The following SPNS2 variants were observed in gnomAD, a reference collection of about 807,000 sequenced individuals.
SPNS2 encodes sphingosine-1-phosphate transporter SPNS2.
A neutral mutation model predicts 57.6 loss-of-function variants in SPNS2; 37 were observed. That is an observed-to-expected ratio of 0.64 (90% CI 0.49 to 0.85). The LOEUF (loss-of-function observed/expected upper bound fraction) is 0.85, where lower values mean the gene tolerates loss of function less well. Ranked by LOEUF, SPNS2 falls within the 40% of genes least tolerant of loss-of-function variation. The probability of loss-of-function intolerance (pLI) is 0.00; values close to 1 mark genes in which losing one functional copy is unlikely to be tolerated. For missense variants in SPNS2, 831 were observed against 779.1 expected (o/e 1.07, Z -0.79); for synonymous variants, 440 against 346.9 (o/e 1.27, Z -2.98).
chr17:4,532,435 G>A, intron 5 of SPNS2, 107 bp from the exon 6 acceptor site: 1 of 1,523,846 alleles, frequency 6.6e-7, no homozygotes, highest in Non-Finnish European at 9.0e-7. Flanking sequence ...CTGCTCAGAG[G>A]AGAAGCCTAT....
In SPNS2 at chr17:4,512,820, C is replaced by T. The variant is rs1485458235; in HGVS notation, c.371-427C>T. Among the ~76,000 whole-genome samples, 2 of 146,596 alleles carry T rather than the reference C, an allele frequency of 1.4e-5. No homozygotes were observed. The highest frequency in any genetic ancestry group is 4.8e-5 in the African/African-American group (2 of 41,312). On this transcript the variant is annotated intron_variant, in intron 1 of 12. Coordinates refer to ENST00000329078, the MANE Select transcript of SPNS2 (RefSeq NM_001124758.3). This position sits in a 1 kb window ranked among gnomAD's most constrained non-coding sequence, Gnocchi z 5.2. ...AACCAGAGTGAGCGGCTGCCCCTCC[C>T]AGGCCAGAGGGCTCCCCGCAGCTTT... is the stretch of plus-strand genomic sequence containing the variant.
intron 3 of SPNS2, among the ~76,000 whole-genome samples, chr17:4,528,321 C>T (rs2144355150): frequency 6.6e-6 from 1 of 152,118 alleles, no homozygotes; most frequent in African/African-American, 2.4e-5. Context: ...CTGTGCCGGG[C>T]CCTGTGAGAC....
Position 4,498,952 on chromosome 17 carries a change from G to C in SPNS2, c.-96G>C. ...GGAGCCGACGGGGCCCGACCAGGAT[G>C]GTGCAGTGGCGGCTCCGCGGCGCAC... On this transcript the variant is annotated 5_prime_UTR_variant, in exon 1 of 13. An upstream start codon of the reference 5' UTR is lost. Coordinates refer to ENST00000329078, the MANE Select transcript of SPNS2 (RefSeq NM_001124758.3). 1.3e-6 allele frequency: 1 copy of C among 781,102 alleles called. No homozygotes were observed. The highest frequency in any genetic ancestry group is 1.6e-6 in the Non-Finnish European group (1 of 644,184). The allele number at this position is 781,102 out of a possible 1,614,324, so 48.4% of individuals were successfully genotyped here.
At chr17:4,513,610 C>T (rs570055869) in intron 2 of SPNS2, among the ~76,000 whole-genome samples, 67 of 152,286 alleles carry the variant, frequency 4.4e-4, no homozygotes, top group African/African-American at 1.3e-3. Context: ...GGGGCCTCAT[C>T]GGGACCCAGT....
In SPNS2 at chr17:4,532,693, C is replaced by CG; in HGVS notation, c.935+10dup. The CG allele has an allele frequency of 6.2e-7, 1 of 1,612,996 alleles. No individual in the cohort carries two copies. Among genetic ancestry groups the CG allele is most frequent in the Admixed American group, 1.7e-5 (1 of 59,976 alleles). ...AAGGCCCTGATTCGAAAGTGAGTAC[C>CG]GCGGGAAGGGGTCTGGTGGGAAGAG... is the stretch of plus-strand genomic sequence containing the variant. On this transcript the variant is annotated intron_variant, in intron 6 of 12. Coordinates refer to ENST00000329078, the MANE Select transcript of SPNS2 (RefSeq NM_001124758.3).
chr17:4,499,551 C>G lies in SPNS2; in HGVS notation c.370+134C>G. The G allele has an allele frequency of 1.9e-6, 1 of 522,570 alleles. No homozygotes were observed. The highest frequency in any genetic ancestry group is 3.1e-6 in the Non-Finnish European group (1 of 324,448). The allele number at this position is 522,570 out of a possible 1,614,324, so 32.4% of individuals were successfully genotyped here. ...GGCCCTACGTGAGGTCCCTACGGAC[C>G]CTCTGCTCAGGCACAACTGGGCAAG... On this transcript the variant is annotated intron_variant, in intron 1 of 12. Coordinates refer to ENST00000329078, the MANE Select transcript of SPNS2 (RefSeq NM_001124758.3). This position sits in a 1 kb window ranked among gnomAD's most constrained non-coding sequence, Gnocchi z 5.2.
At chr17:4,529,029 C>G (rs1474819764) in intron 3 of SPNS2, among the ~76,000 whole-genome samples, 7 of 151,918 alleles carry the variant, frequency 4.6e-5, no homozygotes, top group Admixed American at 4.6e-4. Flanking sequence ...CTCCACCTCC[C>G]GAGTTCAAGC....
At chr17:4,520,503 A>G (rs1016068219) in intron 2 of SPNS2, among the ~76,000 whole-genome samples, 1 of 151,930 alleles carries the variant, frequency 6.6e-6, no homozygotes, top group Admixed American at 6.5e-5. Context: ...CGGGGTGGAG[A>G]GAGCGCGCTG....
chr17:4,509,738 GT>G (rs1238437819), intron 1 of SPNS2, among the ~76,000 whole-genome samples: 2 of 152,380 alleles, frequency 1.3e-5, no homozygotes, highest in East Asian at 3.9e-4. Flanking sequence ...GTCAATGGAT[GT>G]TGTTCCAGAA....
intron 3 of SPNS2, among the ~76,000 whole-genome samples, chr17:4,529,450 G>C (rs993198416): frequency 3.3e-5 from 5 of 152,052 alleles, no homozygotes; most frequent in African/African-American, 4.8e-5. Context: ...CAGCACTTTG[G>C]GAGGCTGAGG....
Position 4,520,020 on chromosome 17 carries a change from C to T in SPNS2, c.437-5037C>T, listed in dbSNP as rs144952956. ...AGCAGTGATGGATCCCACCTCCCTC[C>T]TGACCCTGGACTGCCATGTCCCAAG... On this transcript the variant is annotated intron_variant, in intron 2 of 12. Coordinates refer to ENST00000329078, the MANE Select transcript of SPNS2 (RefSeq NM_001124758.3). Among the ~76,000 whole-genome samples the T allele has an allele frequency of 1.7e-3, 265 of 152,372 alleles. 1 individual carries two copies. The highest frequency in any genetic ancestry group is 0.017 in the South Asian group (82 of 4,830).
chr17:4,513,160 C>T (rs967460335), intron 1 of SPNS2, 87 bp from the exon 2 acceptor site: 14 of 1,454,662 alleles, frequency 9.6e-6, no homozygotes, highest in Non-Finnish European at 1.3e-5. Flanking sequence ...CAGGCTGGGC[C>T]CTGCAAGGCG....
chr17:4,537,403 G>A, intron 12 of SPNS2, 50 bp from the exon 13 acceptor site: 1 of 410,868 alleles, frequency 2.4e-6, no homozygotes, highest in Non-Finnish European at 4.9e-6. Flanking sequence ...GGGCAGCCTT[G>A]GCACAGGCCC....
rs1905434772 is a variant in SPNS2, at chr17:4,530,845, A to C, written c.725+62A>C. ...TGGGCAAGGTTCCCTTGGACTTCTG[A>C]GTTCTCCCACTCCCTGGGGTTCTAG... On this transcript the variant is annotated intron_variant, in intron 4 of 12. Transcript: ENST00000329078. 3 of 1,573,670 alleles carry C rather than the reference A, an allele frequency of 1.9e-6. No homozygotes were observed. The South Asian group carries it at 3.5e-5, about 18-fold the overall frequency.
At chr17:4,518,436 T>A (rs928975235) in intron 2 of SPNS2, among the ~76,000 whole-genome samples, 2 of 152,060 alleles carry the variant, frequency 1.3e-5, no homozygotes, top group African/African-American at 2.4e-5. Context: ...GGCAGGGGAA[T>A]GGCATGAACC....
chr17:4,536,988 A>T, intron 12 of SPNS2, 42 bp downstream of exon 12: 12 of 1,607,624 alleles, frequency 7.5e-6, no homozygotes, highest in Non-Finnish European at 9.3e-6. Context: ...CCCTAAGGAA[A>T]GGGGAAGGCC....
chr17:4,505,156 T>C (rs1433157572), intron 1 of SPNS2, among the ~76,000 whole-genome samples: 1 of 152,108 alleles, frequency 6.6e-6, no homozygotes, highest in Non-Finnish European at 1.5e-5. Flanking sequence ...CCTATCCCCA[T>C]GGAGAGTCAC....
intron 3 of SPNS2, among the ~76,000 whole-genome samples, chr17:4,528,239 T>A (rs1209710555): frequency 6.6e-6 from 1 of 152,092 alleles, no homozygotes; most frequent in African/African-American, 2.4e-5. Context: ...ACAAGGCTAG[T>A]CTGGAACTCC....
At chr17:4,516,245 C>T (rs1904981453) in intron 2 of SPNS2, among the ~76,000 whole-genome samples, 1 of 140,138 alleles carries the variant, frequency 7.1e-6, no homozygotes, top group Non-Finnish European at 1.5e-5. Flanking sequence ...AGCCAGGAGG[C>T]GGAGATTGCA....
Sources: gnomAD v4.1 joint callset for allele counts (sites outside exome capture counted in the v4.1 genomes callset) on GRCh38, gnomAD v4.1.1 for gene constraint, Gnocchi (gnomAD v3.1) non-coding constraint, MANE v1.5 for transcripts, NCBI Gene and HGNC (gene_info 2026-07-23, HGNC 2026-07-21) for gene names.